Variants in SLC9B1 observed in about 807,000 individuals in gnomAD.
SLC9B1 encodes the protein solute carrier family 9 member B1.
Under a neutral mutation model 51.7 loss-of-function variants are expected in SLC9B1, and 32 were observed. The ratio of observed to expected loss-of-function variants is 0.62; its 90% CI spans 0.47 to 0.83. The LOEUF (loss-of-function observed/expected upper bound fraction) is 0.83, where lower values mean the gene tolerates loss of function less well. Ranked by LOEUF, SLC9B1 falls within the 40% of genes least tolerant of loss-of-function variation. The pLI, the probability that SLC9B1 is intolerant of heterozygous loss-of-function variation, is 0.00. For missense variants in SLC9B1, 406 were observed against 613.2 expected, an observed-to-expected ratio of 0.66 and a Z score of 3.57; for synonymous variants, 145 against 212.7, an observed-to-expected ratio of 0.68 and a Z score of 2.77.
downstream of SLC9B1, chr4:102,896,767 T>G (rs1192090208): frequency 6.6e-6 from 1 of 152,356 alleles, no homozygotes; most frequent in Non-Finnish European, 1.5e-5. Flanking sequence ...GAAAATGGTT[T>G]CAAGGGTGAT....
intron 6 of SLC9B1, among the ~76,000 whole-genome samples, chr4:102,941,281 A>G (rs1736981621): frequency 6.6e-6 from 1 of 152,168 alleles, no homozygotes; most frequent in African/African-American, 2.4e-5. Context: ...ATCCAAAAAG[A>G]ACTTAGAAAA....
intron 3 of SLC9B1, among the ~76,000 whole-genome samples, chr4:102,969,736 C>G (rs1738645402): frequency 6.6e-6 from 1 of 152,122 alleles, no homozygotes; most frequent in South Asian, 2.1e-4. Flanking sequence ...AGCTAAAAAC[C>G]TTGAACAACG....
intron 6 of SLC9B1, among the ~76,000 whole-genome samples, chr4:102,943,506 T>TATACACACACACAC (rs1553982064): frequency 9.6e-5 from 14 of 145,592 alleles, no homozygotes; most frequent in East Asian, 8.1e-4. Context: ...TGTGTATGTA[T>TATACACACACACAC]ACACACACAC....
At chr4:102,906,433 A>C in intron 10 of SLC9B1, 103 bp downstream of exon 10, 1 of 599,874 alleles carries the variant, frequency 1.7e-6, no homozygotes, top group Non-Finnish European at 2.8e-6. Flanking sequence ...TTTCTGAAGA[A>C]GGTCGTTGTA....
chr4:102,930,036 C>G (rs1333834416), intron 7 of SLC9B1, among the ~76,000 whole-genome samples: 9 of 152,180 alleles, frequency 5.9e-5, no homozygotes. Context: ...AGAATCTTGA[C>G]AAATCAAAAA....
chr4:102,975,584 A>ATTTTTTTTTTTTT (rs1466561136), intron 3 of SLC9B1, among the ~76,000 whole-genome samples: 30 of 80,152 alleles, frequency 3.7e-4, no homozygotes, highest in East Asian at 1.1e-3. Context: ...ATATATATAT[A>ATTTTTTTTTTTTT]TATTTTTTTT....
chr4:102,949,772 C>T (rs948253482), intron 3 of SLC9B1, among the ~76,000 whole-genome samples: 17 of 151,992 alleles, frequency 1.1e-4, no homozygotes, highest in African/African-American at 4.1e-4. Context: ...GCCAGCCTGG[C>T]CAACACAGTG....
At chr4:102,976,865 G>A (rs2110505537) in intron 3 of SLC9B1, among the ~76,000 whole-genome samples, 1 of 152,280 alleles carries the variant, frequency 6.6e-6, no homozygotes, top group African/African-American at 2.4e-5. Context: ...GAAATGTTAT[G>A]GGCTGGGTGC....
chr4:102,958,221 C>T (rs1397787639), intron 3 of SLC9B1, among the ~76,000 whole-genome samples: 1 of 152,184 alleles, frequency 6.6e-6, no homozygotes, highest in Non-Finnish European at 1.5e-5. Flanking sequence ...TTGGTGCTGT[C>T]CTTGGGACAG....
chr4:103,000,232 A>G (rs1020194718), intron 1 of SLC9B1, among the ~76,000 whole-genome samples: 1 of 152,168 alleles, frequency 6.6e-6, no homozygotes, highest in African/African-American at 2.4e-5. Context: ...GCCCTCCCAA[A>G]TCGCATGTCC....
chr4:103,000,594 C>T (rs989057150), intron 1 of SLC9B1, among the ~76,000 whole-genome samples: 13 of 152,200 alleles, frequency 8.5e-5, no homozygotes, highest in African/African-American at 2.4e-4. Context: ...ATGGGCCCCA[C>T]GTAAGTCTAA....
intron 7 of SLC9B1, among the ~76,000 whole-genome samples, chr4:102,920,570 G>A (rs1363024889): frequency 6.6e-6 from 1 of 152,192 alleles, no homozygotes; most frequent in African/African-American, 2.4e-5. Context: ...TTGACGAGTT[G>A]ACAGAAGTAG....
At chr4:102,988,604 G>A (rs1163678902) in intron 3 of SLC9B1, among the ~76,000 whole-genome samples, 1 of 152,084 alleles carries the variant, frequency 6.6e-6, no homozygotes, top group African/African-American at 2.4e-5. Context: ...TATACTTTGT[G>A]TATAAAGGAA....
chr4:102,978,494 C>A lies in SLC9B1; in HGVS notation c.211+11306G>T, dbSNP rs1739192926. Reference sequence around the variant, plus strand: ...GAAAAAAACAAACAATCCCATCAACCAGTGGGCGAAGGATATGAACAGACT... The same window carrying A: ...GAAAAAAACAAACAATCCCATCAACAAGTGGGCGAAGGATATGAACAGACT... On this transcript the variant is annotated intron_variant, in intron 3 of 11. Transcript: ENST00000296422. Among the ~76,000 whole-genome samples the A allele has an allele frequency of 2.0e-5, 3 of 152,174 alleles. No homozygotes were observed. The South Asian group carries it at 6.2e-4, about 32-fold the overall frequency.
intron 3 of SLC9B1, among the ~76,000 whole-genome samples, chr4:102,959,312 ATATG>A (rs1198305382): frequency 5.3e-5 from 8 of 152,292 alleles, no homozygotes; most frequent in Middle Eastern, 3.4e-3. Flanking sequence ...ATTACTATAT[ATATG>A]TAATTTTTTT....
At chr4:102,959,825 A>G (rs1444087368) in intron 3 of SLC9B1, among the ~76,000 whole-genome samples, 1 of 152,220 alleles carries the variant, frequency 6.6e-6, no homozygotes, top group Non-Finnish European at 1.5e-5. Flanking sequence ...TATTTTATAA[A>G]AAGTAAATAT....
chr4:102,973,892 T>C (rs1738890479), intron 3 of SLC9B1, among the ~76,000 whole-genome samples: 1 of 152,034 alleles, frequency 6.6e-6, no homozygotes, highest in African/African-American at 2.4e-5. Context: ...AATGTTTATA[T>C]TGAAAAATAG....
intron 6 of SLC9B1, among the ~76,000 whole-genome samples, chr4:102,943,016 A>C (rs1737078085): frequency 6.6e-6 from 1 of 152,162 alleles, no homozygotes; most frequent in Non-Finnish European, 1.5e-5. Flanking sequence ...AAGTGTGCTA[A>C]GGACATGAAT....
intron 7 of SLC9B1, among the ~76,000 whole-genome samples, chr4:102,931,459 T>A (rs568402493): frequency 6.6e-6 from 1 of 152,178 alleles, no homozygotes; most frequent in South Asian, 2.1e-4. Context: ...TTCTTATTTA[T>A]TTATATTTTC....
Sources: allele counts gnomAD v4.1 joint callset (sites outside exome capture counted in the v4.1 genomes callset), GRCh38; gene constraint gnomAD v4.1.1; transcripts MANE v1.5; gene names NCBI Gene and HGNC (gene_info 2026-07-23, HGNC 2026-07-21).